The following MYO15A variants were observed in gnomAD, a reference collection of about 807,000 sequenced individuals.
MYO15A encodes myosin XVA.
Under a neutral mutation model 394.6 loss-of-function variants are expected in MYO15A, and 308 were observed. The ratio of observed to expected loss-of-function variants is 0.78; its 90% CI spans 0.71 to 0.86. MYO15A has a LOEUF of 0.86. MYO15A is among the 40% of genes least tolerant of loss of function. The probability of loss-of-function intolerance (pLI) is 0.00; values close to 1 mark genes in which losing one functional copy is unlikely to be tolerated. For missense variants in MYO15A, 4,606 were observed against 4,799.1 expected, an observed-to-expected ratio of 0.96 and a Z score of 1.19; for synonymous variants, 1,957 against 2,003.8, an observed-to-expected ratio of 0.98 and a Z score of 0.62.
chr17:18,122,246 C>A lies in MYO15A; in HGVS notation c.3446C>A (p.Ala1149Asp). 2 of 1,613,208 alleles carry A rather than the reference C, an allele frequency of 1.2e-6. No individual in the cohort carries two copies. The highest frequency in any genetic ancestry group is 1.7e-6 in the Non-Finnish European group (2 of 1,180,034). Residue 1149 changes from alanine (A) to aspartate (D), a missense_variant, in exon 2 of 66, where the codon GCC becomes GAC. Coordinates refer to ENST00000647165, the MANE Select transcript of MYO15A (RefSeq NM_016239.4). Reference sequence around the variant, plus strand: ...CCCATTCAGGACCCCAAGCCAAGAGCCTGTAGTCTTCGCTGGTCCTGCCTC... The same window carrying A: ...CCCATTCAGGACCCCAAGCCAAGAGACTGTAGTCTTCGCTGGTCCTGCCTC... The part of the protein sequence containing the change: ...VQPIQDPKPR[A>D]CSLRWSCLWL...
intron 64 of MYO15A, 114 bp from the exon 65 acceptor site, chr17:18,173,667 T>G: frequency 7.0e-7 from 1 of 1,437,446 alleles, no homozygotes; most frequent in Middle Eastern, 1.7e-4. Flanking sequence ...AACTGGTACT[T>G]GAACTGGAGT....
intron 5 of MYO15A, 152 bp downstream of exon 5, chr17:18,126,608 G>A (rs1036329770): frequency 2.8e-6 from 3 of 1,084,044 alleles, no homozygotes; most frequent in Non-Finnish European, 2.7e-6. Context: ...CCCCAGGCAG[G>A]GCCGAAGCTA....
rs368843291 is a variant in MYO15A at position 18,126,467 on chromosome 17, C to T, written c.3866+11C>T. ...GGGAGAGAATCCCCCGTGAGTGTCT[C>T]GGGGGCGCTGCCCTGGGGTCTCTTG... is the stretch of plus-strand genomic sequence containing the variant. On this transcript the variant is annotated intron_variant, in intron 5 of 65. Transcript: ENST00000647165. 4.2e-5 allele frequency: 68 copies of T among 1,612,138 alleles called. No individual in the cohort carries two copies. The highest frequency in any genetic ancestry group is 3.3e-4 in the Middle Eastern group (2 of 6,046).
chr17:18,146,481 G>A (rs974200197), intron 30 of MYO15A, among the ~76,000 whole-genome samples: 11 of 152,232 alleles, frequency 7.2e-5, no homozygotes, highest in Non-Finnish European at 1.6e-4. Flanking sequence ...AGCCATATAT[G>A]AGCTGTGTGA....
rs377572905 is a variant in MYO15A, at chr17:18,155,430, C to T, written c.8457C>T (p.Tyr2819=). 6.2e-7 allele frequency: 1 copy of T among 1,612,600 alleles called. No individual in the cohort carries two copies. Among genetic ancestry groups the T allele is most frequent in the Non-Finnish European group, 8.5e-7 (1 of 1,179,562 alleles). The part of the protein sequence containing the change: ...AGGQLRVLRA[Y]SFADILFVTM... ...GGCAGCTGCGGGTCCTGCGTGCATA[C>T]AGGTGACCAGCAGGGGTGAAGTGGG... The change falls in exon 47 of 66, where the codon TAC becomes TAT. Residue 2819 remains tyrosine, a splice_region_variant and synonymous_variant. Coordinates refer to ENST00000647165, the MANE Select transcript of MYO15A (RefSeq NM_016239.4).
In MYO15A at chr17:18,116,245, T is replaced by C. The variant is rs1403358819; in HGVS notation, c.-219-2337T>C. ...CTGGGCTCTGGTTTGCCCAGTGGCT[T>C]GGTCAGGGCCCTCCCCCTCCAGGCA... On this transcript the variant is annotated intron_variant, in intron 1 of 65. Transcript: ENST00000647165. Among the ~76,000 whole-genome samples, 3 of 152,316 alleles carry C rather than the reference T, an allele frequency of 2.0e-5. No individual in the cohort carries two copies. In the East Asian group the frequency reaches 5.8e-4, roughly 29 times the overall value.
chr17:18,148,137 AC>A lies in MYO15A; in HGVS notation c.6623del (p.Pro2208ArgfsTer45). The A allele has an allele frequency of 6.2e-7, 1 of 1,613,228 alleles. No homozygotes were observed. The highest frequency in any genetic ancestry group is 8.5e-7 in the Non-Finnish European group (1 of 1,179,926). On this transcript the variant is annotated frameshift_variant, in exon 31 of 66. Coordinates refer to ENST00000647165, the MANE Select transcript of MYO15A (RefSeq NM_016239.4). LOFTEE classifies it high-confidence loss of function. The surrounding 1 kb of genome is among the most constrained non-coding windows in gnomAD (Gnocchi z 4.8). Reference sequence around the variant, plus strand: ...AGGGCTCGGGGGCTGCCCGCACCTTACCCCCGACCCAGCTCGAGTGGACAGC... The same window carrying A: ...AGGGCTCGGGGGCTGCCCGCACCTTACCCCGACCCAGCTCGAGTGGACAGC... ...QQGSGAARTLPPTQLEWTATY... is the reference protein window; with the variant it reads ...QQGSGAARTLXPTQLEWTATY...
At chr17:18,156,429 A>G in intron 48 of MYO15A, 93 bp downstream of exon 48, 1 of 1,431,162 alleles carries the variant, frequency 7.0e-7, no homozygotes, top group African/African-American at 1.4e-5. Context: ...GTGTCCATAG[A>G]TTTCTGTCTA....
Position 18,153,288 on chromosome 17 carries a change from GTTTTTA to G in MYO15A, c.7967-485_7967-480del, listed in dbSNP as rs2142375089. 1 of 152,834 alleles carries G rather than the reference GTTTTTA, an allele frequency of 6.5e-6. No homozygotes were observed. Among genetic ancestry groups the G allele is most frequent in the Non-Finnish European group, 1.5e-5 (1 of 68,446 alleles). The allele number at this position is 152,834 out of a possible 1,614,324, so 9.5% of individuals were successfully genotyped here. ...GTGGTGGTGGGCACATCCAATAGGTGTTTTTATGTGTTGAATGAAAGGCTGGGTCAT... is the reference window on the plus strand; with the variant it reads ...GTGGTGGTGGGCACATCCAATAGGTGTGTGTTGAATGAAAGGCTGGGTCAT... On this transcript the variant is annotated intron_variant, in intron 42 of 65. Transcript: ENST00000647165. The surrounding 1 kb of genome is among the most constrained non-coding windows in gnomAD (Gnocchi z 4.1).
intron 65 of MYO15A, chr17:18,178,271 G>A: frequency 4.0e-6 from 1 of 251,374 alleles, no homozygotes; most frequent in Admixed American, 4.9e-5. Context: ...TCGGGAGGCT[G>A]AGGCAGGAGA....
chr17:18,111,573 C>T (rs1397233778), intron 1 of MYO15A, among the ~76,000 whole-genome samples: 1 of 152,152 alleles, frequency 6.6e-6, no homozygotes, highest in African/African-American at 2.4e-5. Context: ...GGATGGGGAC[C>T]CTGAGAGGAA....
At chr17:18,116,780 C>T (rs1384332779) in intron 1 of MYO15A, among the ~76,000 whole-genome samples, 3 of 151,984 alleles carry the variant, frequency 2.0e-5, no homozygotes, top group Non-Finnish European at 2.9e-5. Flanking sequence ...ATTGGCCAGG[C>T]GTGGTGGCAC....
chr17:18,156,076 C>T (rs988841671), intron 47 of MYO15A, 119 bp from the exon 48 acceptor site: 3 of 1,515,362 alleles, frequency 2.0e-6, no homozygotes, highest in African/African-American at 1.4e-5. Flanking sequence ...GGAGCTGGCA[C>T]AATGGGGCCA....
At chr17:18,164,173 GGAACCTATA>G in intron 60 of MYO15A, 1 of 365,782 alleles carries the variant, frequency 2.7e-6, no homozygotes. Flanking sequence ...CGCATATTAT[GGAACCTATA>G]GGAACCTATA....
At chr17:18,134,355 G>C (rs977246221) in intron 12 of MYO15A, among the ~76,000 whole-genome samples, 9 of 152,104 alleles carry the variant, frequency 5.9e-5, no homozygotes, top group African/African-American at 2.2e-4. Context: ...ATATTTTCTA[G>C]TACATTTAAA....
At position 18,155,099 on chromosome 17, in the gene MYO15A, G is replaced by GC. The variant is rs2046653052; in HGVS notation, c.8225-9dup. The GC allele has an allele frequency of 8.1e-6, 13 of 1,610,810 alleles. No individual in the cohort carries two copies. The East Asian group carries it at 2.9e-4, about 36-fold the overall frequency. ...GGGGAGAGGGTCCTGACCAGACCTG[G>GC]CCTCCCATAGCCCAGAACCAGCTGG... On this transcript the variant is annotated splice_polypyrimidine_tract_variant and intron_variant, in intron 45 of 65. Transcript: ENST00000647165.
chr17:18,179,110 C>G lies in MYO15A; in HGVS notation c.*240C>G, dbSNP rs1246629960. The stretch of plus-strand genomic sequence containing the variant: ...GCAGGAGGAACTTTCAAAAGTCTGG[C>G]CCACTGTGCAGTGGAGCAGAAGGCA... On this transcript the variant is annotated 3_prime_UTR_variant, in exon 66 of 66. Transcript: ENST00000647165. The G allele has an allele frequency of 4.0e-5, 24 of 596,160 alleles. No homozygotes were observed. In the Admixed American group the frequency reaches 6.4e-4, roughly 16 times the overall value. The allele number at this position is 596,160 out of a possible 1,614,324, so 36.9% of individuals were successfully genotyped here. A position where few individuals can be genotyped will look rare whatever the true frequency, so the allele number is the denominator to read the frequency against.
At position 18,120,863 on chromosome 17, in the gene MYO15A, C is replaced by A; in HGVS notation, c.2063C>A (p.Pro688His). 1 of 1,241,574 alleles carries A rather than the reference C, an allele frequency of 8.1e-7. No individual in the cohort carries two copies. The highest frequency in any genetic ancestry group is 1.0e-6 in the Non-Finnish European group (1 of 988,480). The allele number at this position is 1,241,574 out of a possible 1,614,324, so 76.9% of individuals were successfully genotyped here. ...CTCTCCCCGGCGCTCTCGGGCCTGC[C>A]CCGGCCGGCCTCGCCCTACGGCTCC... ...PPLSPALSGL[P>H]RPASPYGSLR... Residue 688 changes from proline (P) to histidine (H), a missense_variant, in exon 2 of 66, where the codon CCC becomes CAC. By Grantham distance (77) the Pro-to-His change is moderately conservative. This residue lies in a region of MYO15A where 1,830 missense variants were observed against 1,689.7 expected (regional missense o/e 1.08). Coordinates refer to ENST00000647165, the MANE Select transcript of MYO15A (RefSeq NM_016239.4).
intron 8 of MYO15A, among the ~76,000 whole-genome samples, 185 bp downstream of exon 8, chr17:18,130,995 G>A (rs954485600): frequency 6.6e-6 from 1 of 151,972 alleles, no homozygotes; most frequent in African/African-American, 2.4e-5. Flanking sequence ...GCTGTGGGGG[G>A]CCATGGAGGC....
Sources: allele counts gnomAD v4.1 joint callset (sites outside exome capture counted in the v4.1 genomes callset), GRCh38; gene constraint gnomAD v4.1.1; regional missense constraint gnomAD v4.1.1; non-coding constraint Gnocchi (gnomAD v3.1); transcripts MANE v1.5; gene names NCBI Gene and HGNC (gene_info 2026-07-23, HGNC 2026-07-21).